Variants in TGFB1 observed in about 807,000 individuals in gnomAD.
TGFB1 encodes the protein transforming growth factor beta-1 proprotein.
Under a neutral mutation model 43.8 loss-of-function variants are expected in TGFB1, and 19 were observed. The observed-to-expected ratio is 0.43, with a 90% CI of 0.30 to 0.64. The LOEUF (loss-of-function observed/expected upper bound fraction) is 0.64. Among genes scored for constraint, TGFB1 ranks in the 30% least tolerant of loss-of-function variants. TGFB1 has a pLI of 0.11. For missense variants in TGFB1, 445 were observed against 529.8 expected (o/e 0.84, Z 1.57); for synonymous variants, 221 against 236.3 (o/e 0.94, Z 0.60).
intron 5 of TGFB1, among the ~76,000 whole-genome samples, chr19:41,336,373 C>T (rs2037988507): frequency 6.6e-6 from 1 of 150,674 alleles, no homozygotes; most frequent in South Asian, 2.1e-4. Context: ...ATCTCTACCC[C>T]TATCCACTAT....
rs960564042 is a variant in TGFB1, at chr19:41,353,278, T to G, written c.-234A>C. 1.7e-5 allele frequency: 9 copies of G among 522,410 alleles called. No homozygotes were observed. Among genetic ancestry groups the G allele is most frequent in the African/African-American group, 1.6e-4 (8 of 49,158 alleles). 32.4% of individuals were successfully genotyped at this position (522,410 alleles called of 1,614,324 possible). ...GCGCGATCTGGTACCAGAAGGTGGG[T>G]GGTCTTGAATAGGGGATCTGTGGCA... On this transcript the variant is annotated 5_prime_UTR_variant, in exon 1 of 7. Coordinates refer to ENST00000221930, the MANE Select transcript of TGFB1 (RefSeq NM_000660.7). The surrounding 1 kb of genome is among the most constrained non-coding windows in gnomAD (Gnocchi z 5.9).
At chr19:41,332,578 ATGC>A (rs2037945870) in intron 5 of TGFB1, among the ~76,000 whole-genome samples, 4 of 152,240 alleles carry the variant, frequency 2.6e-5, no homozygotes, top group Non-Finnish European at 5.9e-5. Context: ...AAATCATGGC[ATGC>A]CACACCCTGG....
At chr19:41,331,951 C>A in intron 6 of TGFB1, 177 bp downstream of exon 6, 1 of 841,830 alleles carries the variant, frequency 1.2e-6, no homozygotes, top group Non-Finnish European at 1.8e-6. Context: ...GCTCAGAGCC[C>A]CTCTCTAGCT....
At position 41,341,908 on chromosome 19, in the gene TGFB1, C is replaced by A; in HGVS notation, c.835G>T (p.Ala279Ser). Residue 279 changes from alanine (A) to serine (S), a missense_variant, in exon 5 of 7, where the codon GCC (alanine) becomes TCC (serine). Transcript: ENST00000221930. Reference protein sequence around the residue: ...QHLQSSRHRRALDTNYCFSST... With the variant: ...QHLQSSRHRRSLDTNYCFSST... Reference sequence around the variant, plus strand: ...CTGAAGCAATAGTTGGTGTCCAGGGCTCGGCGGTGCCGGGAGCTTTGCAGA... The same window carrying A: ...CTGAAGCAATAGTTGGTGTCCAGGGATCGGCGGTGCCGGGAGCTTTGCAGA... The A allele has an allele frequency of 6.2e-7, 1 of 1,613,900 alleles. No homozygotes were observed. The highest frequency in any genetic ancestry group is 1.3e-5 in the African/African-American group (1 of 75,058).
intron 2 of TGFB1, among the ~76,000 whole-genome samples, chr19:41,347,486 C>A (rs1230121320): frequency 6.6e-6 from 1 of 152,040 alleles, no homozygotes. Context: ...AAGATTCCAG[C>A]CTTCTAAGTG....
intron 5 of TGFB1, among the ~76,000 whole-genome samples, chr19:41,340,352 G>T (rs959233694): frequency 6.6e-6 from 1 of 150,698 alleles, no homozygotes; most frequent in Admixed American, 6.6e-5. Context: ...CACCCCCGAG[G>T]TTCCAGTGAT....
At position 41,348,383 on chromosome 19, in the gene TGFB1, G is replaced by A. The variant is rs774002594; in HGVS notation, c.428C>T (p.Ala143Val). 19 of 1,613,276 alleles carry A rather than the reference G, an allele frequency of 1.2e-5. No homozygotes were observed. The highest frequency in any genetic ancestry group is 4.5e-5 in the East Asian group (2 of 44,836). ...GGAGAGCAACACGGGTTCAGGTACC[G>A]CTTCTCGGAGCTCTGATGTGTTGAA... ...MFFNTSELRE[A>V]VPEPVLLSRA... Residue 143 changes from alanine to valine, a missense_variant, in exon 2 of 7, where the codon GCG (alanine) becomes GTG (valine). By Grantham distance (64) the Ala-to-Val change is moderately conservative. Transcript: ENST00000221930.
At position 41,353,293 on chromosome 19, in the gene TGFB1, G is replaced by T. The variant is rs13306707; in HGVS notation, c.-249C>A. 46 of 499,052 alleles carry T rather than the reference G, an allele frequency of 9.2e-5. No individual in the cohort carries two copies. In the East Asian group the frequency reaches 1.5e-3, roughly 17 times the overall value. The allele number at this position is 499,052 out of a possible 1,614,324, so 30.9% of individuals were successfully genotyped here. ...AGAAGGTGGGTGGTCTTGAATAGGG[G>T]ATCTGTGGCAGGTCGGAGAGAGATC... is the stretch of plus-strand genomic sequence containing the variant. On this transcript the variant is annotated 5_prime_UTR_variant, in exon 1 of 7. Coordinates refer to ENST00000221930, the MANE Select transcript of TGFB1 (RefSeq NM_000660.7). The surrounding 1 kb of genome is among the most constrained non-coding windows in gnomAD (Gnocchi z 5.9).
In TGFB1 at chr19:41,353,186, G is replaced by A. The variant is rs13306708; in HGVS notation, c.-142C>T. 3.3e-4 allele frequency: 367 copies of A among 1,095,830 alleles called. 4 individuals carry two copies. In the East Asian group the frequency reaches 8.6e-3, roughly 26 times the overall value. The allele number at this position is 1,095,830 out of a possible 1,614,324, so 67.9% of individuals were successfully genotyped here. A position where few individuals can be genotyped will look rare whatever the true frequency, so the allele number is the denominator to read the frequency against. On this transcript the variant is annotated 5_prime_UTR_variant, in exon 1 of 7. Coordinates refer to ENST00000221930, the MANE Select transcript of TGFB1 (RefSeq NM_000660.7). This position sits in a 1 kb window ranked among gnomAD's most constrained non-coding sequence, Gnocchi z 5.9. ...GAAAGCTGAGGTCCTCAGGGAGAAGGGCGCAGTGGTGGAGGGGAGGCTTGG... is the reference window on the plus strand; with the variant it reads ...GAAAGCTGAGGTCCTCAGGGAGAAGAGCGCAGTGGTGGAGGGGAGGCTTGG...
chr19:41,331,979 T>C, intron 6 of TGFB1, 149 bp downstream of exon 6: 1 of 1,099,904 alleles, frequency 9.1e-7, no homozygotes, highest in Non-Finnish European at 1.3e-6. Context: ...TCTCTCCCCA[T>C]CTCTTTATTC....
At chr19:41,343,980 CTTTT>C (rs3061192) in intron 3 of TGFB1, among the ~76,000 whole-genome samples, 2 of 98,634 alleles carry the variant, frequency 2.0e-5, no homozygotes, top group Admixed American at 1.2e-4. Flanking sequence ...TGCCTGGAAT[CTTTT>C]TTTTTTTTTT....
chr19:41,351,549 GACGCTGGGGTTTCCCCAGCCACCCTGA>G (rs1395748233), intron 1 of TGFB1, among the ~76,000 whole-genome samples: 11 of 152,208 alleles, frequency 7.2e-5, no homozygotes, highest in African/African-American at 2.7e-4. Flanking sequence ...GAGGCCGCCG[GACGCTGGGGTTTCCCCAGCCACCCTGA>G]GAGGAACTGG....
At chr19:41,352,379 G>A (rs1242525715) in intron 1 of TGFB1, among the ~76,000 whole-genome samples, 2 of 108,182 alleles carry the variant, frequency 1.8e-5, no homozygotes, top group African/African-American at 7.4e-5. Context: ...GGAAGAGGGA[G>A]CCTTCTACCC....
intron 1 of TGFB1, among the ~76,000 whole-genome samples, 193 bp downstream of exon 1, chr19:41,352,497 A>G (rs1167532914): frequency 6.6e-6 from 1 of 151,950 alleles, no homozygotes; most frequent in Non-Finnish European, 1.5e-5. Context: ...CCAAGACCAG[A>G]CACCTGGGTG....
At position 41,353,257 on chromosome 19, in the gene TGFB1, G is replaced by C. The variant is rs201093139; in HGVS notation, c.-213C>G. 3.6e-6 allele frequency: 2 copies of C among 562,502 alleles called. No individual in the cohort carries two copies. Among genetic ancestry groups the C allele is most frequent in the African/African-American group, 4.0e-5 (2 of 50,198 alleles). The allele number at this position is 562,502 out of a possible 1,614,324, so 34.8% of individuals were successfully genotyped here. ...CCACGGAAATAACCTAGATGGGCGC[G>C]ATCTGGTACCAGAAGGTGGGTGGTC... is the stretch of plus-strand genomic sequence containing the variant. On this transcript the variant is annotated 5_prime_UTR_variant, in exon 1 of 7. It adds an upstream start codon to the 5' untranslated region. Coordinates refer to ENST00000221930, the MANE Select transcript of TGFB1 (RefSeq NM_000660.7). This position sits in a 1 kb window ranked among gnomAD's most constrained non-coding sequence, Gnocchi z 5.9.
chr19:41,345,736 T>C (rs2038108979), intron 2 of TGFB1, among the ~76,000 whole-genome samples: 1 of 151,164 alleles, frequency 6.6e-6, no homozygotes, highest in African/African-American at 2.4e-5. Flanking sequence ...ACCTCGTCTC[T>C]ACTAAAAATA....
intron 1 of TGFB1, among the ~76,000 whole-genome samples, chr19:41,349,166 C>T (rs2038153124): frequency 6.6e-6 from 1 of 152,278 alleles, no homozygotes; most frequent in Admixed American, 6.5e-5. Flanking sequence ...CAGATAGTGC[C>T]TCTGCTGCCT....
intron 5 of TGFB1, among the ~76,000 whole-genome samples, chr19:41,335,350 G>A (rs1280650937): frequency 4.6e-5 from 7 of 151,854 alleles, no homozygotes; most frequent in Admixed American, 2.0e-4. Context: ...CACCGCACCC[G>A]GCTCAGAATC....
intron 3 of TGFB1, among the ~76,000 whole-genome samples, chr19:41,343,859 G>A (rs1392899056): frequency 1.3e-5 from 2 of 152,092 alleles, no homozygotes; most frequent in African/African-American, 2.4e-5. Flanking sequence ...GAGAGATAGG[G>A]GCACCATGGG....
Sources: allele counts gnomAD v4.1 joint callset (sites outside exome capture counted in the v4.1 genomes callset), GRCh38; gene constraint gnomAD v4.1.1; non-coding constraint Gnocchi (gnomAD v3.1); transcripts MANE v1.5; gene names NCBI Gene and HGNC (gene_info 2026-07-23, HGNC 2026-07-21).